The following SPTBN2 variants were observed in gnomAD, a reference collection of about 807,000 sequenced individuals.
The protein encoded by SPTBN2 is spectrin beta chain, non-erythrocytic 2.
Under a neutral mutation model 284.2 loss-of-function variants are expected in SPTBN2, and 107 were observed. The observed-to-expected ratio is 0.38, with a 90% CI of 0.32 to 0.44. The LOEUF (loss-of-function observed/expected upper bound fraction) is 0.44. SPTBN2 is among the 20% of genes least tolerant of loss of function. The pLI, the probability that SPTBN2 is intolerant of heterozygous loss-of-function variation, is 1.00. For synonymous variants in SPTBN2, 1,289 were observed against 1,354.8 expected (o/e 0.95, Z 1.07); for missense variants, 2,569 against 3,287.1 (o/e 0.78, Z 5.34).
intron 10 of SPTBN2, 85 bp from the exon 11 acceptor site, chr11:66,709,104 G>C (rs1157648264): frequency 3.4e-5 from 38 of 1,120,208 alleles, no homozygotes; most frequent in Non-Finnish European, 4.8e-5. Context: ...GGTGTCCTGT[G>C]TTGCTTTTCT....
rs1449270869 is a variant in SPTBN2, at chr11:66,696,485, T to C, written c.4070A>G (p.Lys1357Arg). Residue 1357 changes from lysine (K) to arginine (R), a missense_variant, in exon 21 of 38, where the codon AAG becomes AGG. This residue lies in a region of SPTBN2 where 50 missense variants were observed against 48.1 expected (regional missense o/e 1.04). Transcript: ENST00000533211. ...CCAGCGCCTGTGCAGGTCTCTCAGC[T>C]TCTCCGACACCAGGGCTTTCAGCTC... The part of the protein sequence containing the change: ...KPELKALVSE[K>R]LRDLHRRWDE... 6.2e-7 allele frequency: 1 copy of C among 1,612,268 alleles called. No homozygotes were observed. Among genetic ancestry groups the C allele is most frequent in the Non-Finnish European group, 8.5e-7 (1 of 1,180,032 alleles).
chr11:66,687,064 C>T lies in SPTBN2; in HGVS notation c.6826G>A (p.Val2276Ile), dbSNP rs368541668. ...CTGCCCTGGGCCCTGGCCAGGCTGA[C>T]AGGCACTTCTCCGTGGTATGGCACT... ...AGVPYHGEVP[V>I]SLARAQGSVA... Residue 2276 changes from valine to isoleucine, a missense_variant, in exon 36 of 38, where the codon GTC (valine) becomes ATC (isoleucine). Around this residue, in one of 6 missense-constraint regions of SPTBN2, gnomAD observed 1,130 missense variants for 1,317.3 expected, o/e 0.86. Transcript: ENST00000533211. This position sits in a 1 kb window ranked among gnomAD's most constrained non-coding sequence, Gnocchi z 5.2. The T allele has an allele frequency of 2.1e-5, 34 of 1,614,038 alleles. No homozygotes were observed. The South Asian group carries it at 3.6e-4, about 17-fold the overall frequency.
chr11:66,689,295 AC>A (rs1354734764), intron 29 of SPTBN2, 115 bp from the exon 30 acceptor site: 1 of 1,197,590 alleles, frequency 8.4e-7, no homozygotes, highest in South Asian at 1.4e-5. Context: ...TTTTTTTGAG[AC>A]GGAGTTTCGC....
Position 66,693,013 on chromosome 11 carries a change from C to T in SPTBN2, c.4942G>A (p.Ala1648Thr). The change falls in exon 25 of 38, where the codon GCG becomes ACG. Residue 1648 changes from alanine to threonine, a missense_variant. Physicochemically the swap from Ala to Thr is moderately conservative, Grantham distance 58. Transcript: ENST00000533211. The surrounding 1 kb of genome is among the most constrained non-coding windows in gnomAD (Gnocchi z 5.7). ...ADYAQTIHQL[A>T]ASSQDMIDHE... The stretch of plus-strand genomic sequence containing the variant: ...TCAATCATGTCCTGGCTGCTGGCCG[C>T]CAGCTGGTGGATGGTCTGCGCGTAG... 1 of 1,611,308 alleles carries T rather than the reference C, an allele frequency of 6.2e-7. No individual in the cohort carries two copies. Among genetic ancestry groups the T allele is most frequent in the Non-Finnish European group, 8.5e-7 (1 of 1,180,006 alleles).
chr11:66,739,386 T>G (rs1942879623), intron 1 of SPTBN2, among the ~76,000 whole-genome samples: 2 of 152,208 alleles, frequency 1.3e-5, no homozygotes, highest in South Asian at 4.1e-4. Context: ...CTTTTCCCAT[T>G]TTACCTCTCT....
chr11:66,728,118 G>T, intron 1 of SPTBN2: 1 of 148,248 alleles, frequency 6.7e-6, no homozygotes, highest in South Asian at 1.8e-4. Context: ...AAAGCGCGCC[G>T]CCCCGCGGGC....
rs1276673306 is a variant in SPTBN2, at chr11:66,688,322, ATGC to A, written c.6232-14_6232-12del. 10 of 1,575,042 alleles carry A rather than the reference ATGC, an allele frequency of 6.3e-6. No homozygotes were observed. In the Admixed American group the frequency reaches 1.1e-4, roughly 18 times the overall value. On this transcript the variant is annotated splice_polypyrimidine_tract_variant and intron_variant, in intron 31 of 37. Transcript: ENST00000533211. ...CTCCCGCTCCTCTAGCTGTCAAAAA[ATGC>A]TGCATTCAGCGTGTAGAAGGTTGCG...
In SPTBN2 at chr11:66,684,458, A is replaced by C. The variant is rs1939977924; in HGVS notation, c.*1413T>G. Among the ~76,000 whole-genome samples, 1 of 152,030 alleles carries C rather than the reference A, an allele frequency of 6.6e-6. No homozygotes were observed. The highest frequency in any genetic ancestry group is 6.6e-5 in the Admixed American group (1 of 15,240). ...AGACCGACCTGGGCAACATAGTGAG[A>C]CCCCGTCTCTACAAAAAACAAACAG... is the stretch of plus-strand genomic sequence containing the variant. On this transcript the variant is annotated 3_prime_UTR_variant, in exon 38 of 38. Transcript: ENST00000533211.
intron 20 of SPTBN2, 56 bp downstream of exon 20, chr11:66,698,583 C>A: frequency 6.2e-7 from 1 of 1,611,952 alleles, no homozygotes. Flanking sequence ...GGAGCCAGGC[C>A]CTCCCCCGTA....
At position 66,700,414 on chromosome 11, in the gene SPTBN2, T is replaced by G; in HGVS notation, c.3573+112A>C. On this transcript the variant is annotated intron_variant, in intron 17 of 37. Coordinates refer to ENST00000533211, the MANE Select transcript of SPTBN2 (RefSeq NM_006946.4). The surrounding 1 kb of genome is among the most constrained non-coding windows in gnomAD (Gnocchi z 6.6). ...TGCTGGAATTTCAGGTGTGAACCACTGCGCTGCCCCATTTTGCTAGCATGT... is the reference window on the plus strand; with the variant it reads ...TGCTGGAATTTCAGGTGTGAACCACGGCGCTGCCCCATTTTGCTAGCATGT... 1 of 1,475,248 alleles carries G rather than the reference T, an allele frequency of 6.8e-7. No individual in the cohort carries two copies. The highest frequency in any genetic ancestry group is 9.3e-7 in the Non-Finnish European group (1 of 1,076,852). 91.4% of individuals were successfully genotyped at this position (1,475,248 alleles called of 1,614,324 possible).
At chr11:66,714,239 C>T (rs1223559316) in intron 6 of SPTBN2, 68 bp from the exon 7 acceptor site, 34 of 1,606,996 alleles carry the variant, frequency 2.1e-5, no homozygotes, top group Non-Finnish European at 2.7e-5. Context: ...GGGCAGTCAC[C>T]AGCTCATGGT....
rs1940565100 is a variant in SPTBN2 at position 66,691,742 on chromosome 11, A to C, written c.5191-84T>G. On this transcript the variant is annotated intron_variant, in intron 26 of 37. Coordinates refer to ENST00000533211, the MANE Select transcript of SPTBN2 (RefSeq NM_006946.4). This position sits in a 1 kb window ranked among gnomAD's most constrained non-coding sequence, Gnocchi z 8.0. ...CTGATGGAGCGAGTCCTCCACTCCA[A>C]ACTCAGAACCCACCTCTCCCCGCTG... The C allele has an allele frequency of 2.5e-6, 4 of 1,593,908 alleles. No individual in the cohort carries two copies. The highest frequency in any genetic ancestry group is 3.4e-6 in the Non-Finnish European group (4 of 1,171,852).
chr11:66,716,411 G>A (rs1353429928), intron 3 of SPTBN2, among the ~76,000 whole-genome samples: 2 of 151,874 alleles, frequency 1.3e-5, no homozygotes, highest in African/African-American at 4.8e-5. Flanking sequence ...ACCTGGGAGG[G>A]GGAGCTTGCA....
chr11:66,694,007 C>T, intron 22 of SPTBN2, 132 bp downstream of exon 22: 1 of 1,349,670 alleles, frequency 7.4e-7, no homozygotes, highest in Non-Finnish European at 1.0e-6. Context: ...CCAAGTCTCC[C>T]TATAGGGGAG....
chr11:66,694,597 T>A (rs149193155), intron 21 of SPTBN2, among the ~76,000 whole-genome samples: 1 of 152,354 alleles, frequency 6.6e-6, no homozygotes, highest in East Asian at 1.9e-4. Flanking sequence ...ACATGGGTGA[T>A]GGGTTCAATT....
intron 15 of SPTBN2, among the ~76,000 whole-genome samples, chr11:66,702,817 A>C (rs1400245345): frequency 6.6e-6 from 1 of 150,760 alleles, no homozygotes; most frequent in Non-Finnish European, 1.5e-5. Flanking sequence ...GGGTGCCTGT[A>C]GTCCCAGCTA....
rs1220862130 is a variant in SPTBN2 at position 66,686,413 on chromosome 11, G to A, written c.6924C>T (p.Phe2308=). 2 of 1,614,074 alleles carry A rather than the reference G, an allele frequency of 1.2e-6. No individual in the cohort carries two copies. Among genetic ancestry groups the A allele is most frequent in the Non-Finnish European group, 1.7e-6 (2 of 1,179,954 alleles). The stretch of plus-strand genomic sequence containing the variant: ...GACAGCTCACCTCATCCTTGGCCTG[G>A]AATAAATATTCTTTTCCATCCTGTA... ...LGLQDGKEYL[F]QAKDEAEMSS... Residue 2308 remains phenylalanine (F), a synonymous_variant, in exon 37 of 38, where the codon TTC becomes TTT. Transcript: ENST00000533211.
intron 8 of SPTBN2, among the ~76,000 whole-genome samples, chr11:66,713,243 T>C (rs923132959): frequency 1.3e-5 from 2 of 151,124 alleles, no homozygotes; most frequent in Admixed American, 1.3e-4. Context: ...ACCTGAGAAA[T>C]GATTGTCACA....
rs188620606 is a variant in SPTBN2 at position 66,700,457 on chromosome 11, C to A, written c.3573+69G>T. On this transcript the variant is annotated intron_variant, in intron 17 of 37. Coordinates refer to ENST00000533211, the MANE Select transcript of SPTBN2 (RefSeq NM_006946.4). This position sits in a 1 kb window ranked among gnomAD's most constrained non-coding sequence, Gnocchi z 6.6. Reference sequence around the variant, plus strand: ...TAGCATGTCCTTCCTGCCCATCCTGCTCCTTCACATTTCCCCGGGTCCCTA... The same window carrying A: ...TAGCATGTCCTTCCTGCCCATCCTGATCCTTCACATTTCCCCGGGTCCCTA... 1.1e-5 allele frequency: 18 copies of A among 1,592,516 alleles called. 1 individual carries two copies. In the Admixed American group the frequency reaches 2.7e-4, roughly 24 times the overall value.
Sources: allele counts gnomAD v4.1 joint callset (sites outside exome capture counted in the v4.1 genomes callset), GRCh38; gene constraint gnomAD v4.1.1; regional missense constraint gnomAD v4.1.1; non-coding constraint Gnocchi (gnomAD v3.1); transcripts MANE v1.5; gene names NCBI Gene and HGNC (gene_info 2026-07-23, HGNC 2026-07-21).